PAPOLA: variants seen among roughly 807,000 people sequenced by gnomAD.
The protein encoded by PAPOLA is poly(A) polymerase alpha, also known as polynucleotide adenylyltransferase alpha.
PAPOLA carries 15 observed loss-of-function variants against 100.6 expected under a neutral mutation model. That is an observed-to-expected ratio of 0.15 (90% CI 0.10 to 0.23). PAPOLA has a LOEUF of 0.23. Among genes scored for constraint, PAPOLA ranks in the 10% least tolerant of loss-of-function variants. The pLI is 1.00. For synonymous variants in PAPOLA, 293 were observed against 300.0 expected (o/e 0.98, Z 0.24); for missense variants, 533 against 884.2 (o/e 0.60, Z 5.04).
intron 8 of PAPOLA, 43 bp from the exon 9 acceptor site, chr14:96,532,468 T>C (rs1381579524): frequency 1.9e-6 from 3 of 1,607,074 alleles, no homozygotes; most frequent in South Asian, 2.2e-5. Context: ...TTCAAACTTT[T>C]GTTCAACACT....
chr14:96,554,763 A>T (rs1901152976), intron 17 of PAPOLA, among the ~76,000 whole-genome samples: 1 of 152,194 alleles, frequency 6.6e-6, no homozygotes, highest in African/African-American at 2.4e-5. Context: ...GGAAAATTGG[A>T]TGGGAGAGTA....
chr14:96,514,406 C>T (rs1177215339), intron 1 of PAPOLA, among the ~76,000 whole-genome samples: 1 of 151,640 alleles, frequency 6.6e-6, no homozygotes, highest in Non-Finnish European at 1.5e-5. Context: ...TGGTCTCGAT[C>T]TCCTGACGTC....
At chr14:96,503,372 A>G (rs1896468841) in intron 1 of PAPOLA, among the ~76,000 whole-genome samples, 1 of 151,074 alleles carries the variant, frequency 6.6e-6, no homozygotes, top group Non-Finnish European at 1.5e-5. Context: ...TCCTGGTTGT[A>G]AGGCTTGAAG....
At chr14:96,550,616 A>G (rs1025939777) in intron 16 of PAPOLA, among the ~76,000 whole-genome samples, 2 of 152,218 alleles carry the variant, frequency 1.3e-5, no homozygotes, top group Non-Finnish European at 2.9e-5. Context: ...TTTTGATTAA[A>G]CTTGCTATTT....
intron 4 of PAPOLA, chr14:96,526,705 T>C (rs1898516970): frequency 1.3e-5 from 2 of 152,584 alleles, no homozygotes; most frequent in South Asian, 4.1e-4. Flanking sequence ...TATCCTTTCC[T>C]CTCTCCATCT....
chr14:96,508,095 C>T (rs1057149289), intron 1 of PAPOLA, among the ~76,000 whole-genome samples: 6 of 152,072 alleles, frequency 3.9e-5, no homozygotes, highest in Non-Finnish European at 8.8e-5. Context: ...AGGTTGGTCT[C>T]GAACTCCTGA....
At chr14:96,502,646 T>TG in intron 1 of PAPOLA, 46 bp downstream of exon 1, 3 of 1,556,780 alleles carry the variant, frequency 1.9e-6, no homozygotes, top group Non-Finnish European at 1.7e-6. Flanking sequence ...GGCTGGGCCT[T>TG]GGGGGGCGTC....
intron 1 of PAPOLA, 76 bp from the exon 2 acceptor site, chr14:96,519,979 A>T: frequency 1.7e-6 from 2 of 1,202,114 alleles, no homozygotes; most frequent in African/African-American, 1.5e-5. Flanking sequence ...TTACTAAATT[A>T]GTTTTTCTGG....
At position 96,566,892 on chromosome 14, in the gene PAPOLA, C is replaced by T. The variant is rs1318279273; in HGVS notation, c.*1842C>T. ...TTCATGTAACTGCACCCAAGTTTTG[C>T]CAAGCTGGAAACTTGGACCTTTTCT... On this transcript the variant is annotated 3_prime_UTR_variant, in exon 22 of 22. Coordinates refer to ENST00000216277, the MANE Select transcript of PAPOLA (RefSeq NM_032632.5). 6.6e-6 allele frequency: 1 copy of T among 152,514 alleles called. No individual in the cohort carries two copies. Among genetic ancestry groups the T allele is most frequent in the Non-Finnish European group, 1.5e-5 (1 of 68,010 alleles). 9.4% of individuals were successfully genotyped at this position (152,514 alleles called of 1,614,324 possible).
Sources: gnomAD v4.1 joint callset for allele counts (sites outside exome capture counted in the v4.1 genomes callset) on GRCh38, gnomAD v4.1.1 for gene constraint, MANE v1.5 for transcripts, NCBI Gene and HGNC (gene_info 2026-07-23, HGNC 2026-07-21) for gene names.